The following DOCK8 variants were observed in gnomAD, a reference collection of about 807,000 sequenced individuals.
The protein encoded by DOCK8 is dedicator of cytokinesis 8.
A neutral mutation model predicts 245.6 loss-of-function variants in DOCK8; 141 were observed. The observed-to-expected ratio is 0.57, with a 90% CI of 0.50 to 0.66. The LOEUF is 0.66. Ranked by LOEUF, DOCK8 falls within the 30% of genes least tolerant of loss-of-function variation. The pLI is 0.00. For synonymous variants in DOCK8, 1,168 were observed against 970.2 expected, an observed-to-expected ratio of 1.20 and a Z score of -3.79; for missense variants, 2,965 against 2,603.4, an observed-to-expected ratio of 1.14 and a Z score of -3.02.
chr9:352,068 A>G (rs2052197670), intron 14 of DOCK8, among the ~76,000 whole-genome samples: 2 of 152,200 alleles, frequency 1.3e-5, no homozygotes, highest in Non-Finnish European at 2.9e-5. Context: ...CAGCAGGAGA[A>G]ATGTTTGATG....
chr9:247,843 T>G (rs1468007294), intron 1 of DOCK8, among the ~76,000 whole-genome samples: 2 of 152,158 alleles, frequency 1.3e-5, no homozygotes, highest in Non-Finnish European at 2.9e-5. Flanking sequence ...AAAAGTGTGT[T>G]AGTCTCTAAG....
chr9:330,207 T>C (rs1285932417), intron 9 of DOCK8, among the ~76,000 whole-genome samples: 1 of 152,236 alleles, frequency 6.6e-6, no homozygotes, highest in African/African-American at 2.4e-5. Context: ...GAAATTTTTT[T>C]TTAAAAAGAA....
chr9:298,125 G>A (rs974548189), intron 4 of DOCK8, among the ~76,000 whole-genome samples: 2 of 152,160 alleles, frequency 1.3e-5, no homozygotes, highest in African/African-American at 4.8e-5. Context: ...ATCTTTTGAA[G>A]AGAAAATTTG....
chr9:337,870 G>A (rs1296457451), intron 12 of DOCK8, among the ~76,000 whole-genome samples: 3 of 152,092 alleles, frequency 2.0e-5, no homozygotes, highest in Non-Finnish European at 4.4e-5. Flanking sequence ...AAACAGGTAA[G>A]ATGGGCCGGG....
chr9:359,940 T>C (rs2052640671), intron 14 of DOCK8, among the ~76,000 whole-genome samples: 1 of 152,186 alleles, frequency 6.6e-6, no homozygotes, highest in Admixed American at 6.5e-5. Flanking sequence ...TGTATAAACC[T>C]GTTTCATTGG....
At chr9:296,991 T>C (rs1040543731) in intron 4 of DOCK8, among the ~76,000 whole-genome samples, 10 of 152,182 alleles carry the variant, frequency 6.6e-5, no homozygotes, top group African/African-American at 2.2e-4. Context: ...TCACCGTGTT[T>C]GGGCTTCAAC....
chr9:461,527 ATTTTT>A (rs530827485), intron 46 of DOCK8, among the ~76,000 whole-genome samples: 106 of 67,260 alleles, frequency 1.6e-3, no homozygotes, highest in African/African-American at 6.3e-3. Flanking sequence ...TAGCAACTGC[ATTTTT>A]TTTTTTTTTT....
At chr9:283,547 C>T (rs1392899526) in intron 2 of DOCK8, among the ~76,000 whole-genome samples, 1 of 152,180 alleles carries the variant, frequency 6.6e-6, no homozygotes, top group Admixed American at 6.5e-5. Context: ...CCCTCACCCC[C>T]TCCCATCTTC....
intron 1 of DOCK8, among the ~76,000 whole-genome samples, chr9:263,043 C>G (rs577369029): frequency 1.3e-5 from 2 of 152,134 alleles, no homozygotes; most frequent in South Asian, 2.1e-4. Flanking sequence ...CCCGTCTTTA[C>G]TAAGAATACA....
intron 1 of DOCK8, among the ~76,000 whole-genome samples, chr9:259,897 A>T (rs184229453): frequency 4.1e-4 from 63 of 152,362 alleles, no homozygotes; most frequent in African/African-American, 1.4e-3. Context: ...AGATGTGTGA[A>T]AGCCAAAACA....
chr9:273,241 A>T (rs186594859), intron 2 of DOCK8: 10 of 502,166 alleles, frequency 2.0e-5, no homozygotes, highest in Non-Finnish European at 2.3e-5. Flanking sequence ...CAGAAAATCT[A>T]CTTATGACTT....
At chr9:399,077 C>T (rs1324978886) in intron 25 of DOCK8, 69 bp from the exon 26 acceptor site, 4 of 1,433,968 alleles carry the variant, frequency 2.8e-6, no homozygotes, top group Non-Finnish European at 3.9e-6. Context: ...CCAATGTTCC[C>T]ACCAGTGACC....
At chr9:379,404 C>A (rs979613070) in intron 20 of DOCK8, among the ~76,000 whole-genome samples, 2 of 152,088 alleles carry the variant, frequency 1.3e-5, no homozygotes, top group African/African-American at 2.4e-5. Context: ...GGGGTGGGGC[C>A]TGAGATTCTG....
intron 14 of DOCK8, among the ~76,000 whole-genome samples, chr9:351,334 CAGA>C (rs1396372341): frequency 3.3e-5 from 5 of 152,120 alleles, no homozygotes; most frequent in African/African-American, 7.2e-5. Flanking sequence ...TTGGGCAGGT[CAGA>C]AGGACAGATA....
intron 45 of DOCK8, among the ~76,000 whole-genome samples, chr9:450,848 G>A (rs2057406088): frequency 6.6e-6 from 1 of 151,342 alleles, no homozygotes. Context: ...CAATCCAGCA[G>A]TTATGCAAAA....
At chr9:291,825 G>T (rs572265514) in intron 4 of DOCK8, among the ~76,000 whole-genome samples, 1 of 151,438 alleles carries the variant, frequency 6.6e-6, no homozygotes, top group East Asian at 1.9e-4. Context: ...TCAGCACTTT[G>T]GGAGGTTGAG....
At chr9:220,732 T>C (rs572187792) in intron 1 of DOCK8, 8 of 413,640 alleles carry the variant, frequency 1.9e-5, no homozygotes, top group South Asian at 1.1e-4. Flanking sequence ...TTTTTTTTTT[T>C]CTTTTTTTGA....
At chr9:364,229 C>T (rs1563966933) in intron 14 of DOCK8, among the ~76,000 whole-genome samples, 1 of 152,036 alleles carries the variant, frequency 6.6e-6, no homozygotes, top group African/African-American at 2.4e-5. Flanking sequence ...ATACCATGCA[C>T]CCATTAAAAT....
intron 26 of DOCK8, among the ~76,000 whole-genome samples, chr9:403,040 G>C (rs1416504496): frequency 1.3e-5 from 2 of 151,912 alleles, no homozygotes; most frequent in Non-Finnish European, 2.9e-5. Context: ...CAGGTGTGTG[G>C]CACCACTCCC....
Sources: gnomAD v4.1 joint callset for allele counts (sites outside exome capture counted in the v4.1 genomes callset) on GRCh38, gnomAD v4.1.1 for gene constraint, MANE v1.5 for transcripts, NCBI Gene and HGNC (gene_info 2026-07-23, HGNC 2026-07-21) for gene names.